PRDM2: variants seen among roughly 807,000 people sequenced by gnomAD.
The protein encoded by PRDM2 is PR/SET domain 2, also known as PR domain zinc finger protein 2.
A neutral mutation model predicts 130.0 loss-of-function variants in PRDM2; 30 were observed. The observed-to-expected ratio is 0.23, with a 90% CI of 0.17 to 0.31. The LOEUF (loss-of-function observed/expected upper bound fraction) is 0.31, where lower values mean the gene tolerates loss of function less well. Among genes scored for constraint, PRDM2 ranks in the 10% least tolerant of loss-of-function variants. The pLI, the probability that PRDM2 is intolerant of heterozygous loss-of-function variation, is 1.00. For missense variants in PRDM2, 2,011 were observed against 2,108.4 expected, an observed-to-expected ratio of 0.95 and a Z score of 0.90; for synonymous variants, 871 against 782.4, an observed-to-expected ratio of 1.11 and a Z score of -1.89.
intron 6 of PRDM2, chr1:13,769,157 A>ACCGT (rs1644300589): frequency 1.0e-6 from 1 of 985,038 alleles, no homozygotes; most frequent in Non-Finnish European, 1.2e-6. Context: ...GCCCTGTAGG[A>ACCGT]CCCCCAGGAC....
chr1:13,734,321 C>G (rs139330539), intron 4 of PRDM2, among the ~76,000 whole-genome samples: 1,899 of 152,270 alleles, frequency 0.012, 16 homozygotes, highest in Non-Finnish European at 0.019. Flanking sequence ...TTAGATGTTT[C>G]CCAAGGGAAA....
At chr1:13,817,083 T>G (rs558864994) in intron 9 of PRDM2, among the ~76,000 whole-genome samples, 12 of 152,250 alleles carry the variant, frequency 7.9e-5, no homozygotes, top group Non-Finnish European at 1.3e-4. Flanking sequence ...ACAGGTGGAG[T>G]AACCCTAATC....
chr1:13,768,565 A>G (rs1644287059), intron 6 of PRDM2, among the ~76,000 whole-genome samples: 1 of 151,450 alleles, frequency 6.6e-6, no homozygotes, highest in Non-Finnish European at 1.5e-5. Flanking sequence ...TTTTTAGTAG[A>G]GATGGGGTTT....
At chr1:13,752,235 G>A (rs1643864966) in intron 6 of PRDM2, among the ~76,000 whole-genome samples, 1 of 152,206 alleles carries the variant, frequency 6.6e-6, no homozygotes, top group African/African-American at 2.4e-5. Context: ...TGAGAACACA[G>A]TTCATATTGT....
rs1644624283 is a variant in PRDM2 at position 13,782,028 on chromosome 1, A to G, written c.4233A>G (p.Lys1411=). The G allele has an allele frequency of 6.2e-7, 1 of 1,614,098 alleles. No homozygotes were observed. The highest frequency in any genetic ancestry group is 8.5e-7 in the Non-Finnish European group (1 of 1,179,998). ...TTAACTTTAGTGTTGAGCTCAGCAA[A>G]ATGTCGTCGAATAAGCTCAAATTAA... is the stretch of plus-strand genomic sequence containing the variant. ...KRLNFSVELS[K]MSSNKLKLNA... The change falls in exon 8 of 10, where the codon AAA becomes AAG. Residue 1411 remains lysine (K), a synonymous_variant. Transcript: ENST00000311066.
chr1:13,817,994 G>A (rs753346102), intron 9 of PRDM2, among the ~76,000 whole-genome samples: 18 of 152,204 alleles, frequency 1.2e-4, no homozygotes, highest in South Asian at 2.1e-4. Context: ...ACCCCTATGA[G>A]ATGCCCAGCA....
intron 1 of PRDM2, among the ~76,000 whole-genome samples, chr1:13,708,678 A>G (rs1038723787): frequency 3.3e-5 from 5 of 152,206 alleles, no homozygotes; most frequent in Non-Finnish European, 5.9e-5. Context: ...TTATTTGTGA[A>G]CATTCTATTC....
chr1:13,726,731 G>A (rs1220037272), intron 2 of PRDM2, among the ~76,000 whole-genome samples: 2 of 152,118 alleles, frequency 1.3e-5, no homozygotes, highest in Non-Finnish European at 2.9e-5. Flanking sequence ...TCTGTTCATT[G>A]ATACATGTTT....
At position 13,717,271 on chromosome 1, in the gene PRDM2, A is replaced by G. The variant is rs562739232; in HGVS notation, c.9+1657A>G. 11 of 226,266 alleles carry G rather than the reference A, an allele frequency of 4.9e-5. No homozygotes were observed. In the South Asian group the frequency reaches 1.5e-3, roughly 30 times the overall value. 14.0% of individuals were successfully genotyped at this position (226,266 alleles called of 1,614,324 possible). ...GAGTGGATTTTCACAGTCATCGTCC[A>G]TCAAAGTTATACTCATATATATTTC... On this transcript the variant is annotated intron_variant, in intron 2 of 9. Transcript: ENST00000311066.
At chr1:13,795,165 T>C (rs915325987) in intron 8 of PRDM2, among the ~76,000 whole-genome samples, 11 of 152,236 alleles carry the variant, frequency 7.2e-5, no homozygotes, top group Non-Finnish European at 1.5e-4. Flanking sequence ...AGCATTTCAT[T>C]AGCTCTGTCA....
chr1:13,781,782 C>T lies in PRDM2; in HGVS notation c.3987C>T (p.Phe1329=), dbSNP rs1338138787. 1 of 1,614,216 alleles carries T rather than the reference C, an allele frequency of 6.2e-7. No homozygotes were observed. Reference sequence around the variant, plus strand: ...CTACACACAATATTCCACAGACTTTCACTACCGCCATTCGCTGCACAAAGT... The same window carrying T: ...CTACACACAATATTCCACAGACTTTTACTACCGCCATTCGCTGCACAAAGT... ...NFTTHNIPQT[F]TTAIRCTKCG... is the part of the protein sequence containing the mutation. Residue 1329 remains phenylalanine (F), a synonymous_variant, in exon 8 of 10, where the codon TTC becomes TTT. Coordinates refer to ENST00000311066, the MANE Select transcript of PRDM2 (RefSeq NM_001393986.1). The surrounding 1 kb of genome is among the most constrained non-coding windows in gnomAD (Gnocchi z 6.1).
chr1:13,782,018 A>G lies in PRDM2; in HGVS notation c.4223A>G (p.Glu1408Gly). The G allele has an allele frequency of 6.2e-7, 1 of 1,614,196 alleles. No homozygotes were observed. Among genetic ancestry groups the G allele is most frequent in the East Asian group, 2.2e-5 (1 of 44,884 alleles). ...GQPKRLNFSV[E>G]LSKMSSNKLK... ...CCCAAAAGGCTTAACTTTAGTGTTG[A>G]GCTCAGCAAAATGTCGTCGAATAAG... Residue 1408 changes from glutamate (E) to glycine (G), a missense_variant, in exon 8 of 10, where the codon GAG (glutamate) becomes GGG (glycine). Glu to Gly is a moderately conservative substitution (Grantham distance 98, BLOSUM62 -2). Transcript: ENST00000311066.
intron 6 of PRDM2, among the ~76,000 whole-genome samples, chr1:13,767,248 G>A (rs1252597638): frequency 2.0e-5 from 3 of 151,690 alleles, no homozygotes; most frequent in East Asian, 3.9e-4. Context: ...ATAAAAAAAA[G>A]CATTCCAATT....
chr1:13,711,726 A>G (rs1452113580), intron 1 of PRDM2, among the ~76,000 whole-genome samples: 2 of 152,186 alleles, frequency 1.3e-5, no homozygotes, highest in African/African-American at 4.8e-5. Flanking sequence ...GTTGTTGTAC[A>G]ATATTTTATG....
chr1:13,762,802 G>A (rs1170291061), intron 6 of PRDM2, among the ~76,000 whole-genome samples: 1 of 152,176 alleles, frequency 6.6e-6, no homozygotes, highest in African/African-American at 2.4e-5. Context: ...CTCCCTTGGT[G>A]GATGGAACTT....
At chr1:13,740,492 T>A (rs1381348643) in intron 4 of PRDM2, among the ~76,000 whole-genome samples, 1 of 152,210 alleles carries the variant, frequency 6.6e-6, no homozygotes, top group South Asian at 2.1e-4. Flanking sequence ...GTAACTACAG[T>A]GCACCTTCTA....
chr1:13,716,096 T>G (rs991188078), intron 2 of PRDM2, among the ~76,000 whole-genome samples: 4 of 152,024 alleles, frequency 2.6e-5, no homozygotes, highest in Admixed American at 6.5e-5. Flanking sequence ...GTGGCACATA[T>G]ACACCATGGA....
rs1274990711 is a variant in PRDM2, at chr1:13,813,908, C to G, written c.5037-2519C>G. Among the ~76,000 whole-genome samples the G allele has an allele frequency of 5.9e-5, 9 of 152,268 alleles. No homozygotes were observed. The East Asian group carries it at 1.7e-3, about 29-fold the overall frequency. On this transcript the variant is annotated intron_variant, in intron 8 of 9. Coordinates refer to ENST00000311066, the MANE Select transcript of PRDM2 (RefSeq NM_001393986.1). ...GGCTGGCTAGAGAGGCCTGGGAGGT[C>G]GGGGTGTTATTTTTGTGTGATTGAT...
In PRDM2 at chr1:13,783,982, G is replaced by A. The variant is rs549604285; in HGVS notation, c.5036+1151G>A. ...GTGCCATTAGCCCTGCATGATTGAT[G>A]AGGTAGAATTTTTAATGCTGGTGTG... is the stretch of plus-strand genomic sequence containing the variant. On this transcript the variant is annotated intron_variant, in intron 8 of 9. Coordinates refer to ENST00000311066, the MANE Select transcript of PRDM2 (RefSeq NM_001393986.1). Among the ~76,000 whole-genome samples, 10 of 152,318 alleles carry A rather than the reference G, an allele frequency of 6.6e-5. No homozygotes were observed. The South Asian group carries it at 1.5e-3, about 22-fold the overall frequency.
Sources: gnomAD v4.1 joint callset for allele counts (sites outside exome capture counted in the v4.1 genomes callset) on GRCh38, gnomAD v4.1.1 for gene constraint, Gnocchi (gnomAD v3.1) non-coding constraint, MANE v1.5 for transcripts, NCBI Gene and HGNC (gene_info 2026-07-23, HGNC 2026-07-21) for gene names.